KAZN: variants seen among roughly 807,000 people sequenced by gnomAD.
KAZN encodes kazrin, periplakin interacting protein, also known as kazrin.
A neutral mutation model predicts 87.4 loss-of-function variants in KAZN; 40 were observed. The observed-to-expected ratio is 0.46, with a 90% CI of 0.36 to 0.60. The LOEUF is 0.60. KAZN is among the 20% of genes least tolerant of loss of function. The probability of loss-of-function intolerance (pLI) is 0.00; values close to 1 mark genes in which losing one functional copy is unlikely to be tolerated. For missense variants in KAZN, 898 were observed against 1,073.9 expected (o/e 0.84, Z 2.29); for synonymous variants, 466 against 458.3 (o/e 1.02, Z -0.22).
intron 7 of KAZN, among the ~76,000 whole-genome samples, chr1:15,065,058 G>A (rs1354849732): frequency 8.0e-6 from 1 of 124,630 alleles, no homozygotes; most frequent in African/African-American, 3.1e-5. Context: ...TTGAGACGGA[G>A]TCTCACTCTG....
At chr1:14,074,561 G>T (rs1643375022) in intron 1 of KAZN, among the ~76,000 whole-genome samples, 1 of 152,128 alleles carries the variant, frequency 6.6e-6, no homozygotes, top group African/African-American at 2.4e-5. Context: ...TTAGAGGTCT[G>T]GACAGCTGTG....
At chr1:13,956,834 T>C (rs539725289) in intron 1 of KAZN, among the ~76,000 whole-genome samples, 1 of 152,278 alleles carries the variant, frequency 6.6e-6, no homozygotes, top group Non-Finnish European at 1.5e-5. Flanking sequence ...GTTTTTTAGA[T>C]AGATGAGTAA....
At chr1:14,998,660 T>C (rs139086226) in intron 2 of KAZN, among the ~76,000 whole-genome samples, 2,426 of 152,328 alleles carry the variant, frequency 0.016, 61 homozygotes, top group African/African-American at 0.056. Flanking sequence ...GCCATTCTCC[T>C]GCCTCAACCT....
At chr1:14,034,757 A>G (rs1408070574) in intron 1 of KAZN, among the ~76,000 whole-genome samples, 1 of 152,174 alleles carries the variant, frequency 6.6e-6, no homozygotes, top group African/African-American at 2.4e-5. Context: ...TCAGAATGCA[A>G]AGCACCATCA....
chr1:14,834,724 C>T (rs890474514), intron 1 of KAZN, among the ~76,000 whole-genome samples: 2 of 152,068 alleles, frequency 1.3e-5, no homozygotes, highest in Non-Finnish European at 2.9e-5. Context: ...TAACTTGCAC[C>T]AGGCACTGGA....
At chr1:14,721,399 T>C (rs2100288106) in intron 1 of KAZN, among the ~76,000 whole-genome samples, 1 of 152,324 alleles carries the variant, frequency 6.6e-6, no homozygotes, top group African/African-American at 2.4e-5. Context: ...TCCTGAGGCC[T>C]CCCCAGCCAT....
At position 15,112,515 on chromosome 1, in the gene KAZN, A is replaced by G. The variant is rs1019870601; in HGVS notation, c.2137A>G (p.Ser713Gly). The change falls in exon 14 of 15, where the codon AGC becomes GGC. Residue 713 changes from serine (S) to glycine (G), a missense_variant. By Grantham distance (56) the Ser-to-Gly change is moderately conservative. Transcript: ENST00000376030. The part of the protein sequence containing the change: ...VTRAGKEENS[S>G]GLKYKAGRLP... ...GCGGGCAGGAAAGGAGGAGAACAGCAGCGGTCTCAAGTACAAGGCTGGCCG... is the reference window on the plus strand; with the variant it reads ...GCGGGCAGGAAAGGAGGAGAACAGCGGCGGTCTCAAGTACAAGGCTGGCCG... 2 of 1,605,726 alleles carry G rather than the reference A, an allele frequency of 1.2e-6. No individual in the cohort carries two copies. Among genetic ancestry groups the G allele is most frequent in the Non-Finnish European group, 8.5e-7 (1 of 1,176,840 alleles).
intron 2 of KAZN, among the ~76,000 whole-genome samples, chr1:14,543,691 T>C (rs1173720820): frequency 6.6e-6 from 1 of 152,188 alleles, no homozygotes; most frequent in Non-Finnish European, 1.5e-5. Flanking sequence ...TGTGCAATAG[T>C]TATTTCCATC....
intron 2 of KAZN, among the ~76,000 whole-genome samples, chr1:14,509,873 T>C (rs1030425383): frequency 7.2e-5 from 11 of 152,140 alleles, no homozygotes; most frequent in African/African-American, 2.4e-4. Flanking sequence ...GGAGGAGATA[T>C]TTGAACAGAG....
At chr1:13,904,548 A>G (rs1409166516) in intron 1 of KAZN, among the ~76,000 whole-genome samples, 2 of 152,330 alleles carry the variant, frequency 1.3e-5, no homozygotes, top group East Asian at 3.9e-4. Context: ...AGCTGGATAT[A>G]GATTTCTAAG....
intron 2 of KAZN, among the ~76,000 whole-genome samples, chr1:14,416,990 ATG>A (rs546335960): frequency 6.7e-5 from 8 of 120,174 alleles, no homozygotes; most frequent in African/African-American, 1.5e-4. Context: ...GTGTATATAT[ATG>A]TGTGTATGTA....
At chr1:14,422,265 G>A (rs1665475802) in intron 2 of KAZN, among the ~76,000 whole-genome samples, 1 of 152,158 alleles carries the variant, frequency 6.6e-6, no homozygotes, top group Non-Finnish European at 1.5e-5. Context: ...ACATCCGTGG[G>A]CTTCCGTGTT....
At chr1:14,924,301 A>C (rs1658886730) in intron 1 of KAZN, 1 of 984,336 alleles carries the variant, frequency 1.0e-6, no homozygotes, top group Non-Finnish European at 1.2e-6. Context: ...CGGGTCTGTG[A>C]GCCCGGCGCG....
intron 1 of KAZN, among the ~76,000 whole-genome samples, chr1:14,802,874 A>C (rs1190858481): frequency 6.6e-6 from 1 of 152,162 alleles, no homozygotes; most frequent in African/African-American, 2.4e-5. Flanking sequence ...TGGAACGAGA[A>C]GGGAACGAGG....
chr1:13,996,956 G>T (rs1355781722), intron 1 of KAZN, among the ~76,000 whole-genome samples: 1 of 152,182 alleles, frequency 6.6e-6, no homozygotes, highest in Non-Finnish European at 1.5e-5. Context: ...AATCCTGCTG[G>T]CATCAGGTTG....
At chr1:14,114,167 C>G (rs1004977786) in intron 1 of KAZN, among the ~76,000 whole-genome samples, 1 of 152,170 alleles carries the variant, frequency 6.6e-6, no homozygotes, top group Non-Finnish European at 1.5e-5. Flanking sequence ...ATCCCTGGAC[C>G]GATTCAGTGC....
At chr1:14,454,100 T>C (rs1170370139) in intron 2 of KAZN, among the ~76,000 whole-genome samples, 1 of 152,226 alleles carries the variant, frequency 6.6e-6, no homozygotes, top group African/African-American at 2.4e-5. Flanking sequence ...AAATCCTCCA[T>C]GGAGCTTTAC....
intron 2 of KAZN, among the ~76,000 whole-genome samples, chr1:14,542,549 T>C (rs1487778601): frequency 1.3e-5 from 2 of 152,212 alleles, no homozygotes; most frequent in African/African-American, 4.8e-5. Flanking sequence ...TTTTTCTGTT[T>C]GTTTTAAATT....
intron 2 of KAZN, among the ~76,000 whole-genome samples, chr1:14,481,471 G>A (rs1362460969): frequency 1.3e-5 from 2 of 152,072 alleles, no homozygotes; most frequent in Non-Finnish European, 2.9e-5. Context: ...AAGTAAGAGA[G>A]CAAGTTCCAA....
Sources: gnomAD v4.1 joint callset for allele counts (sites outside exome capture counted in the v4.1 genomes callset) on GRCh38, gnomAD v4.1.1 for gene constraint, MANE v1.5 for transcripts, NCBI Gene and HGNC (gene_info 2026-07-23, HGNC 2026-07-21) for gene names.